DENND2B: variants seen among roughly 807,000 people sequenced by gnomAD.
The protein encoded by DENND2B is DENN domain-containing protein 2B.
DENND2B carries 32 observed loss-of-function variants against 116.0 expected under a neutral mutation model. That is an observed-to-expected ratio of 0.28 (90% CI 0.21 to 0.37). The LOEUF (loss-of-function observed/expected upper bound fraction) is 0.37. Among genes scored for constraint, DENND2B ranks in the 10% least tolerant of loss-of-function variants. The pLI, the probability that DENND2B is intolerant of heterozygous loss-of-function variation, is 1.00. For missense variants in DENND2B, 1,276 were observed against 1,477.7 expected (o/e 0.86, Z 2.24); for synonymous variants, 588 against 583.9 (o/e 1.01, Z -0.10).
chr11:8,769,236 C>CT (rs2056435436), intron 1 of DENND2B, among the ~76,000 whole-genome samples: 1 of 103,174 alleles, frequency 9.7e-6, no homozygotes, highest in East Asian at 3.1e-4. Context: ...CGTAAAGCAA[C>CT]TTCTTTTTTT....
chr11:8,718,561 T>G (rs1442235001), intron 4 of DENND2B: 9 of 1,404,450 alleles, frequency 6.4e-6, no homozygotes, highest in Non-Finnish European at 7.4e-6. Context: ...TACTGTAGTG[T>G]CTATTCCCTC....
intron 2 of DENND2B, among the ~76,000 whole-genome samples, chr11:8,736,137 C>A (rs1241713892): frequency 6.6e-6 from 1 of 152,156 alleles, no homozygotes; most frequent in Non-Finnish European, 1.5e-5. Context: ...AAGGAAGCCA[C>A]CTATCACCAA....
chr11:8,765,126 G>A (rs1303699491), intron 1 of DENND2B, among the ~76,000 whole-genome samples: 3 of 151,908 alleles, frequency 2.0e-5, no homozygotes, highest in Non-Finnish European at 2.9e-5. Context: ...CTAGGGAAAG[G>A]GGCTCACACA....
chr11:8,788,379 A>C (rs974338409), intron 1 of DENND2B, among the ~76,000 whole-genome samples: 1 of 152,142 alleles, frequency 6.6e-6, no homozygotes, highest in African/African-American at 2.4e-5. Context: ...CTACCTCATT[A>C]ATTTCCTCCA....
At position 8,717,862 on chromosome 11, in the gene DENND2B, T is replaced by C; in HGVS notation, c.1508A>G (p.Asp503Gly). 6.2e-7 allele frequency: 1 copy of C among 1,612,968 alleles called. No homozygotes were observed. The change falls in exon 5 of 20, where the codon GAT becomes GGT. Residue 503 changes from aspartate to glycine, a missense_variant. Coordinates refer to ENST00000313726, the MANE Select transcript of DENND2B (RefSeq NM_213618.2). ...TGCTCTTCGGCTCTTTAAGTCCACA[T>C]CCTCATATGGATTCTCCTTGGGCAG... is the stretch of plus-strand genomic sequence containing the variant. ...GDLPKENPYE[D>G]VDLKSRRAGR...
intron 4 of DENND2B, among the ~76,000 whole-genome samples, chr11:8,815,971 T>A (rs192367905): frequency 7.2e-4 from 110 of 152,314 alleles, no homozygotes; most frequent in African/African-American, 2.6e-3. Flanking sequence ...TTGGATTAGG[T>A]CACTAGAGGG....
intron 4 of DENND2B, chr11:8,718,903 C>G (rs2045621928): frequency 1.0e-6 from 1 of 990,250 alleles, no homozygotes; most frequent in Non-Finnish European, 1.2e-6. Flanking sequence ...CGGGTCAGTC[C>G]TAGCTCAATC....
chr11:8,848,165 A>G (rs1353073757), intron 3 of DENND2B, among the ~76,000 whole-genome samples: 1 of 152,236 alleles, frequency 6.6e-6, no homozygotes, highest in Admixed American at 6.5e-5. Context: ...ACTCTCAGAG[A>G]AAGTATTTTT....
At chr11:8,718,459 A>G (rs2045505713) in intron 4 of DENND2B, 4 of 1,510,546 alleles carry the variant, frequency 2.6e-6, no homozygotes, top group African/African-American at 1.4e-5. Context: ...CTTTTAGGGC[A>G]GGGTTTTGTG....
rs371924172 is a variant in DENND2B at position 8,824,853 on chromosome 11, A to ATTT, written c.-114-13521_-114-13519dup. On this transcript the variant is annotated intron_variant, in intron 4 of 6. Coordinates refer to the DENND2B transcript ENST00000524757. ...CAGGCGCACACCTCCACACCCAGCT[A>ATTT]TTTTTTTTTTTTTTTTTGTATTTTT... Among the ~76,000 whole-genome samples the ATTT allele has an allele frequency of 2.8e-3, 371 of 130,198 alleles. 15 individuals carry two copies. The highest frequency in any genetic ancestry group is 3.5e-3 in the African/African-American group (120 of 34,662). 85.4% of individuals were successfully genotyped at this position (130,198 alleles called of 152,430 possible).
chr11:8,707,266 G>A lies in DENND2B; in HGVS notation c.2431-41C>T. 6.3e-7 allele frequency: 1 copy of A among 1,586,356 alleles called. No individual in the cohort carries two copies. The highest frequency in any genetic ancestry group is 8.6e-7 in the Non-Finnish European group (1 of 1,162,178). On this transcript the variant is annotated intron_variant, in intron 12 of 19. Coordinates refer to ENST00000313726, the MANE Select transcript of DENND2B (RefSeq NM_213618.2). The surrounding 1 kb of genome is among the most constrained non-coding windows in gnomAD (Gnocchi z 4.8). ...GCAGCCCAAAGAGGAAGGGTGTCAG[G>A]GCACTGCCCTTCCCCCTCCTGGCAG... is the stretch of plus-strand genomic sequence containing the variant.
chr11:8,699,121 G>A (rs759996135), intron 15 of DENND2B, 92 bp downstream of exon 15: 55 of 1,508,724 alleles, frequency 3.6e-5, no homozygotes, highest in Non-Finnish European at 4.6e-5. Flanking sequence ...AAGGATAAGA[G>A]CCTGGTAAAG....
chr11:8,871,222 C>G (rs570105896), intron 1 of DENND2B: 3 of 138,918 alleles, frequency 2.2e-5, no homozygotes, highest in South Asian at 2.3e-4. Flanking sequence ...CCGGAGGCAG[C>G]GAGAAAGCCG....
intron 19 of DENND2B, among the ~76,000 whole-genome samples, chr11:8,694,827 A>T (rs1395309485): frequency 2.0e-5 from 3 of 152,208 alleles, no homozygotes; most frequent in African/African-American, 7.2e-5. Context: ...TGGGAGGTCA[A>T]TATGGGAGTA....
chr11:8,712,704 C>T lies in DENND2B; in HGVS notation c.2019G>A (p.Ser673=), dbSNP rs1196653510. The change falls in exon 9 of 20, where the codon TCG becomes TCA. Residue 673 remains serine (S), a synonymous_variant. Coordinates refer to ENST00000313726, the MANE Select transcript of DENND2B (RefSeq NM_213618.2). This position sits in a 1 kb window ranked among gnomAD's most constrained non-coding sequence, Gnocchi z 4.4. ...GATAGCTGGGGGCGCGCTTCAGCATCGACTGGATGTGGACCAGGCGCTGTG... is the reference window on the plus strand; with the variant it reads ...GATAGCTGGGGGCGCGCTTCAGCATTGACTGGATGTGGACCAGGCGCTGTG... ...AHTQRLVHIQ[S]MLKRAPSYRT... 6 of 1,612,902 alleles carry T rather than the reference C, an allele frequency of 3.7e-6. No homozygotes were observed. Among genetic ancestry groups the T allele is most frequent in the Non-Finnish European group, 1.7e-6 (2 of 1,179,642 alleles).
At chr11:8,776,185 C>CACA (rs772460904) in intron 1 of DENND2B, 15 of 452,366 alleles carry the variant, frequency 3.3e-5, no homozygotes, top group Non-Finnish European at 4.9e-5. Flanking sequence ...CACACACACA[C>CACA]ACCTACCTCT....
intron 2 of DENND2B, chr11:8,877,592 G>C (rs902370487): frequency 5.3e-5 from 8 of 152,124 alleles, no homozygotes; most frequent in Non-Finnish European, 1.0e-4. Flanking sequence ...ACCAATCTTT[G>C]TTCTAATGGT....
At chr11:8,810,792 CTTTCTT>C (rs1384187488), upstream of DENND2B, 3 of 151,580 alleles carry the variant, frequency 2.0e-5, no homozygotes, top group South Asian at 4.2e-4. Context: ...CTCTCTTTTT[CTTTCTT>C]TCTCACTGTC....
chr11:8,718,299 T>C (rs1190148383), intron 4 of DENND2B: 1 of 1,438,104 alleles, frequency 7.0e-7, no homozygotes, highest in Non-Finnish European at 9.4e-7. Context: ...GTAGGAAGGG[T>C]TTTCAGGTCA....
Sources: allele counts gnomAD v4.1 joint callset (sites outside exome capture counted in the v4.1 genomes callset), GRCh38; gene constraint gnomAD v4.1.1; non-coding constraint Gnocchi (gnomAD v3.1); transcripts MANE v1.5; gene names NCBI Gene and HGNC (gene_info 2026-07-23, HGNC 2026-07-21).